KIF1A: variants seen among roughly 807,000 people sequenced by gnomAD.
The protein encoded by KIF1A is kinesin-like protein KIF1A.
Under a neutral mutation model 227.3 loss-of-function variants are expected in KIF1A, and 46 were observed. The observed-to-expected ratio is 0.20, with a 90% confidence interval of 0.16 to 0.26. The LOEUF (loss-of-function observed/expected upper bound fraction) is 0.26, where lower values mean the gene tolerates loss of function less well. Ranked by LOEUF, KIF1A falls within the 10% of genes least tolerant of loss-of-function variation. KIF1A has a pLI of 1.00. For synonymous variants in KIF1A, 1,022 were observed against 1,012.8 expected (o/e 1.01, Z -0.17); for missense variants, 1,683 against 2,485.9 (o/e 0.68, Z 6.87).
Position 240,789,774 on chromosome 2 carries a change from C to T in KIF1A, c.107-462G>A, listed in dbSNP as rs1449048122. On this transcript the variant is annotated intron_variant, in intron 2 of 48. Coordinates refer to ENST00000498729, the MANE Select transcript of KIF1A (RefSeq NM_001244008.2). The surrounding 1 kb of genome is among the most constrained non-coding windows in gnomAD (Gnocchi z 4.8). Reference sequence around the variant, plus strand: ...CTGGGCGTCCATCACGTTTGTGTTACGCCTGTGCGGTTCTTCTAGGCTTGC... The same window carrying T: ...CTGGGCGTCCATCACGTTTGTGTTATGCCTGTGCGGTTCTTCTAGGCTTGC... Among the ~76,000 whole-genome samples, 3 of 152,154 alleles carry T rather than the reference C, an allele frequency of 2.0e-5. No individual in the cohort carries two copies. The highest frequency in any genetic ancestry group is 2.9e-5 in the Non-Finnish European group (2 of 68,028).
At position 240,786,735 on chromosome 2, in the gene KIF1A, G is replaced by GCCATCAGGACC. The variant is rs1559529811; in HGVS notation, c.430-223_430-222insGGTCCTGATGG. On this transcript the variant is annotated intron_variant, in intron 5 of 48. Transcript: ENST00000498729. ...ACCCCTGAGTGAGGGGGTGGGGGCTGCCTGCTGGGCCCCTGAGTGAGAGGG... is the reference window on the plus strand; with the variant it reads ...ACCCCTGAGTGAGGGGGTGGGGGCTGCCATCAGGACCCCTGCTGGGCCCCTGAGTGAGAGGG... 3.0e-3 allele frequency among the ~76,000 whole-genome samples: 225 copies of GCCATCAGGACC among 75,150 alleles called. 4 individuals are homozygous for GCCATCAGGACC. Among genetic ancestry groups the GCCATCAGGACC allele is most frequent in the African/African-American group, 0.013 (213 of 16,118 alleles). 49.3% of individuals were successfully genotyped at this position (75,150 alleles called of 152,430 possible). A position where few individuals can be genotyped will look rare whatever the true frequency, so the allele number is the denominator to read the frequency against.
intron 6 of KIF1A, among the ~76,000 whole-genome samples, chr2:240,785,897 G>A (rs969284718): frequency 6.6e-6 from 1 of 152,184 alleles, no homozygotes; most frequent in African/African-American, 2.4e-5. Flanking sequence ...ATCCCAGGCA[G>A]GAGGCCCAGG....
At chr2:240,749,562 G>T (rs962672411) in intron 28 of KIF1A, among the ~76,000 whole-genome samples, 1 of 152,228 alleles carries the variant, frequency 6.6e-6, no homozygotes, top group Non-Finnish European at 1.5e-5. Flanking sequence ...TGGTGGAGGA[G>T]CCCGGGGCAG....
chr2:240,782,866 G>A (rs960335172), intron 9 of KIF1A, among the ~76,000 whole-genome samples, 178 bp downstream of exon 9: 1 of 152,148 alleles, frequency 6.6e-6, no homozygotes, highest in African/African-American at 2.4e-5. Flanking sequence ...GAGGGTCCCG[G>A]GAGAAACCAG....
rs775697459 is a variant in KIF1A, at chr2:240,783,115, G to A, written c.799-6C>T. 6.2e-7 allele frequency: 1 copy of A among 1,612,822 alleles called. No homozygotes were observed. Among genetic ancestry groups the A allele is most frequent in the Non-Finnish European group, 8.5e-7 (1 of 1,178,978 alleles). On this transcript the variant is annotated splice_region_variant and splice_polypyrimidine_tract_variant and intron_variant, in intron 8 of 48. Transcript: ENST00000498729. ...TTGTTGATGTTGGCCCCCTCCTGCG[G>A]GCAGAAAAGACAGTGGGGTTGGGAT... is the stretch of plus-strand genomic sequence containing the variant.
At position 240,758,287 on chromosome 2, in the gene KIF1A, G is replaced by GCCCACTCCTACC; in HGVS notation, c.2582+61_2582+72dup. ...GGGCCGCTCCTTGTATCAGGCCAGG[G>GCCCACTCCTACC]CCCACTCCTACCCCCACTGCCATCT... On this transcript the variant is annotated intron_variant, in intron 26 of 48. Coordinates refer to ENST00000498729, the MANE Select transcript of KIF1A (RefSeq NM_001244008.2). The surrounding 1 kb of genome is among the most constrained non-coding windows in gnomAD (Gnocchi z 5.2). 1 of 1,519,926 alleles carries GCCCACTCCTACC rather than the reference G, an allele frequency of 6.6e-7. No homozygotes were observed. The highest frequency in any genetic ancestry group is 8.9e-7 in the Non-Finnish European group (1 of 1,123,272). The allele number at this position is 1,519,926 out of a possible 1,614,324, so 94.2% of individuals were successfully genotyped here.
rs1163887455 is a variant in KIF1A, at chr2:240,770,880, C to T, written c.1341+91G>A. 2.0e-6 allele frequency: 3 copies of T among 1,477,182 alleles called. No homozygotes were observed. The African/African-American group carries it at 4.2e-5, about 21-fold the overall frequency. The allele number at this position is 1,477,182 out of a possible 1,614,324, so 91.5% of individuals were successfully genotyped here. On this transcript the variant is annotated intron_variant, in intron 15 of 48. Coordinates refer to ENST00000498729, the MANE Select transcript of KIF1A (RefSeq NM_001244008.2). ...TCCACAATGGCCCTATGAGGATGGG[C>T]TGTACCCAGGAGGGCAGGGTGCCTC...
rs765730257 is a variant in KIF1A at position 240,725,445 on chromosome 2, C to T, written c.4123-41G>A. The T allele has an allele frequency of 2.9e-5, 46 of 1,604,184 alleles. No individual in the cohort carries two copies. Among genetic ancestry groups the T allele is most frequent in the Admixed American group, 1.8e-4 (11 of 59,514 alleles). On this transcript the variant is annotated intron_variant, in intron 39 of 48. Coordinates refer to ENST00000498729, the MANE Select transcript of KIF1A (RefSeq NM_001244008.2). This position sits in a 1 kb window ranked among gnomAD's most constrained non-coding sequence, Gnocchi z 5.8. Reference sequence around the variant, plus strand: ...GCAGGACTCAGGCACAAGGACACCCCGAGTGCCCAGGTGCCCTTCCAGCCT... The same window carrying T: ...GCAGGACTCAGGCACAAGGACACCCTGAGTGCCCAGGTGCCCTTCCAGCCT...
chr2:240,776,927 G>A (rs1445297615), intron 10 of KIF1A, among the ~76,000 whole-genome samples: 3 of 152,230 alleles, frequency 2.0e-5, no homozygotes, highest in Admixed American at 6.5e-5. Flanking sequence ...GCTTCTCTGC[G>A]AGCAGGGTTT....
rs868704996 is a variant in KIF1A, at chr2:240,807,136, A to G, written c.-60-9324T>C. On this transcript the variant is annotated intron_variant, in intron 1 of 48. Coordinates refer to ENST00000498729, the MANE Select transcript of KIF1A (RefSeq NM_001244008.2). ...TGTGTGTGTGTGTGTGTGTGTATAT[A>G]TATATATATATATATACACAGAGAG... Among the ~76,000 whole-genome samples the G allele has an allele frequency of 2.0e-3, 282 of 142,740 alleles. 3 individuals are homozygous for G. Among genetic ancestry groups the G allele is most frequent in the African/African-American group, 6.0e-3 (220 of 36,742 alleles). The allele number at this position is 142,740 out of a possible 152,430, so 93.6% of individuals were successfully genotyped here.
rs1429288747 is a variant in KIF1A at position 240,740,044 on chromosome 2, C to T, written c.3901+14G>A. 5 of 1,569,896 alleles carry T rather than the reference C, an allele frequency of 3.2e-6. No individual in the cohort carries two copies. Among genetic ancestry groups the T allele is most frequent in the Non-Finnish European group, 4.3e-6 (5 of 1,157,416 alleles). ...CAGCCCCACCCACCAAGGCAGCCCCCACACCGCACTCACCCACGACCAGCT... is the reference window on the plus strand; with the variant it reads ...CAGCCCCACCCACCAAGGCAGCCCCTACACCGCACTCACCCACGACCAGCT... On this transcript the variant is annotated intron_variant, in intron 37 of 48. Coordinates refer to ENST00000498729, the MANE Select transcript of KIF1A (RefSeq NM_001244008.2). The surrounding 1 kb of genome is among the most constrained non-coding windows in gnomAD (Gnocchi z 6.1).
chr2:240,788,276 C>T lies in KIF1A; in HGVS notation c.184-46G>A, dbSNP rs777306478. ...GAAGTTGCAGGAGGCTGGGTGCATC[C>T]GAGGCTCAGCCCATCATGTCTGCGG... is the stretch of plus-strand genomic sequence containing the variant. On this transcript the variant is annotated intron_variant, in intron 3 of 48. Transcript: ENST00000498729. This position sits in a 1 kb window ranked among gnomAD's most constrained non-coding sequence, Gnocchi z 6.6. The T allele has an allele frequency of 8.2e-6, 13 of 1,578,418 alleles. No homozygotes were observed. The highest frequency in any genetic ancestry group is 1.7e-5 in the Admixed American group (1 of 58,878).
At position 240,755,866 on chromosome 2, in the gene KIF1A, G is replaced by A. The variant is rs1290727975; in HGVS notation, c.2858+1453C>T. Among the ~76,000 whole-genome samples, 8 of 152,122 alleles carry A rather than the reference G, an allele frequency of 5.3e-5. No individual in the cohort carries two copies. The East Asian group carries it at 1.2e-3, about 22-fold the overall frequency. On this transcript the variant is annotated intron_variant, in intron 27 of 48. Coordinates refer to ENST00000498729, the MANE Select transcript of KIF1A (RefSeq NM_001244008.2). ...GGAGGTGCAGGGGGCCTGGCCCTAC[G>A]GCCCGGGGCTTTCTGAGAGAGGCCT... is the stretch of plus-strand genomic sequence containing the variant.
Position 240,769,122 on chromosome 2 carries a change from A to G in KIF1A, c.1497+11T>C. ...ATGAGGGCAGTACCACAGAACTGAG[A>G]TAGCTCCTACCTTTTTGGGAGAGAA... On this transcript the variant is annotated intron_variant, in intron 17 of 48. Transcript: ENST00000498729. 6.2e-7 allele frequency: 1 copy of G among 1,604,424 alleles called. No homozygotes were observed. Among genetic ancestry groups the G allele is most frequent in the Non-Finnish European group, 8.5e-7 (1 of 1,175,422 alleles).
chr2:240,725,561 C>T lies in KIF1A; in HGVS notation c.4123-157G>A. 6.8e-6 allele frequency: 5 copies of T among 738,514 alleles called. No individual in the cohort carries two copies. Among genetic ancestry groups the T allele is most frequent in the Non-Finnish European group, 1.1e-5 (5 of 464,516 alleles). The allele number at this position is 738,514 out of a possible 1,614,324, so 45.7% of individuals were successfully genotyped here. A position where few individuals can be genotyped will look rare whatever the true frequency, so the allele number is the denominator to read the frequency against. On this transcript the variant is annotated intron_variant, in intron 39 of 48. Coordinates refer to ENST00000498729, the MANE Select transcript of KIF1A (RefSeq NM_001244008.2). The surrounding 1 kb of genome is among the most constrained non-coding windows in gnomAD (Gnocchi z 5.8). The stretch of plus-strand genomic sequence containing the variant: ...GGCCTGGACGCAGGCAGGAGAAAGT[C>T]TCTGCTCCTGCCCTCGAGAAAACCC...
At position 240,815,628 on chromosome 2, in the gene KIF1A, T is replaced by C. The variant is rs371327001; in HGVS notation, c.-61+4494A>G. 1.1e-4 allele frequency among the ~76,000 whole-genome samples: 16 copies of C among 152,138 alleles called. 1 individual carries two copies. Among genetic ancestry groups the C allele is most frequent in the African/African-American group, 3.6e-4 (15 of 41,490 alleles). On this transcript the variant is annotated intron_variant, in intron 1 of 48. Transcript: ENST00000498729. ...TGGGCTAGAACAACCGGCTCAGCCA[T>C]GGAAGAGCACTGACTGAGTCTTCAC... is the stretch of plus-strand genomic sequence containing the variant.
chr2:240,750,702 G>A (rs1010548838), intron 27 of KIF1A, among the ~76,000 whole-genome samples, 155 bp from the exon 28 acceptor site: 2 of 152,204 alleles, frequency 1.3e-5, no homozygotes, highest in African/African-American at 2.4e-5. Flanking sequence ...CAGCAAGAGC[G>A]GGCGGGGACA....
Position 240,767,033 on chromosome 2 carries a change from G to T in KIF1A, c.1578-12C>A. On this transcript the variant is annotated splice_polypyrimidine_tract_variant and intron_variant, in intron 18 of 48. Coordinates refer to ENST00000498729, the MANE Select transcript of KIF1A (RefSeq NM_001244008.2). ...CCTCCCTGCCCACTCTGCGGGGTGG[G>T]GGCACCATCAGCACGGCAGCTGGGA... 6.3e-7 allele frequency: 1 copy of T among 1,591,876 alleles called. No individual in the cohort carries two copies. The highest frequency in any genetic ancestry group is 8.6e-7 in the Non-Finnish European group (1 of 1,165,364).
chr2:240,754,070 G>C (rs956483017), intron 27 of KIF1A, among the ~76,000 whole-genome samples: 1 of 152,188 alleles, frequency 6.6e-6, no homozygotes. Flanking sequence ...CCTCATGCTG[G>C]GGGCTGGGAG....
Sources: gnomAD v4.1 joint callset for allele counts (sites outside exome capture counted in the v4.1 genomes callset) on GRCh38, gnomAD v4.1.1 for gene constraint, Gnocchi (gnomAD v3.1) non-coding constraint, MANE v1.5 for transcripts, NCBI Gene and HGNC (gene_info 2026-07-23, HGNC 2026-07-21) for gene names.